The following LDB3 variants were observed in gnomAD, a reference collection of about 807,000 sequenced individuals.
LDB3 encodes the protein LIM domain-binding protein 3.
LDB3 carries 49 observed loss-of-function variants against 69.0 expected under a neutral mutation model. That is an observed-to-expected ratio of 0.71 (90% CI 0.56 to 0.90). LDB3 has a LOEUF of 0.90. Among genes scored for constraint, LDB3 ranks in the 40% least tolerant of loss-of-function variants. The pLI is 0.00. For missense variants in LDB3, 928 were observed against 974.1 expected (o/e 0.95, Z 0.63); for synonymous variants, 387 against 396.2 (o/e 0.98, Z 0.28).
intron 2 of LDB3, among the ~76,000 whole-genome samples, chr10:86,674,745 C>T (rs947963492): frequency 1.6e-4 from 25 of 152,162 alleles, no homozygotes; most frequent in African/African-American, 5.8e-4. Context: ...GCTTTGGGCC[C>T]TTTCTGAAAC....
At chr10:86,718,226 C>T in intron 11 of LDB3, 82 bp downstream of exon 11, 1 of 1,342,778 alleles carries the variant, frequency 7.4e-7, no homozygotes, top group Middle Eastern at 1.8e-4. Flanking sequence ...ATTAGGAAGC[C>T]AAGAAGTTGC....
intron 12 of LDB3, among the ~76,000 whole-genome samples, chr10:86,722,283 C>G (rs150825873): frequency 6.6e-6 from 1 of 152,160 alleles, no homozygotes; most frequent in East Asian, 1.9e-4. Flanking sequence ...GTTTTTGAGA[C>G]GGAGTCTCGC....
intron 11 of LDB3, 85 bp from the exon 12 acceptor site, chr10:86,718,642 G>C (rs529324006): frequency 1.3e-6 from 2 of 1,575,992 alleles, no homozygotes; most frequent in East Asian, 2.2e-5. Flanking sequence ...CTGGTAGGAT[G>C]CTCGGGCAGT....
intron 12 of LDB3, among the ~76,000 whole-genome samples, chr10:86,720,568 C>A (rs943893297): frequency 6.6e-6 from 1 of 152,128 alleles, no homozygotes; most frequent in East Asian, 1.9e-4. Context: ...GTTTCTATAT[C>A]TGTAAAAGGG....
intron 2 of LDB3, among the ~76,000 whole-genome samples, chr10:86,673,988 G>A (rs2675700): frequency 6.6e-6 from 1 of 151,772 alleles, no homozygotes; most frequent in Non-Finnish European, 1.5e-5. Flanking sequence ...TTGGACAGAA[G>A]TTTCCTCCCC....
At chr10:86,714,874 G>C (rs535947778) in intron 9 of LDB3, among the ~76,000 whole-genome samples, 1 of 152,190 alleles carries the variant, frequency 6.6e-6, no homozygotes, top group African/African-American at 2.4e-5. Flanking sequence ...TCTTTTGAAG[G>C]CCTCACTGGC....
chr10:86,712,109 TGCTCGCCCCCC>T (rs1269094214), intron 9 of LDB3, among the ~76,000 whole-genome samples: 4 of 151,948 alleles, frequency 2.6e-5, no homozygotes, highest in Admixed American at 6.5e-5. Flanking sequence ...CGCCACTGCC[TGCTCGCCCCCC>T]GACGGAGTCG....
rs371599920 is a variant in LDB3 at position 86,733,735 on chromosome 10, G to A, written c.*759G>A. The A allele has an allele frequency of 1.3e-5, 2 of 152,238 alleles. No individual in the cohort carries two copies. Among genetic ancestry groups the A allele is most frequent in the Admixed American group, 6.5e-5 (1 of 15,274 alleles). 9.4% of individuals were successfully genotyped at this position (152,238 alleles called of 1,614,324 possible). On this transcript the variant is annotated 3_prime_UTR_variant, in exon 14 of 14. Transcript: ENST00000361373. The stretch of plus-strand genomic sequence containing the variant: ...AGAAGGCTTAGCTCCTTTTTGAATT[G>A]TGATGGGAAAGTAGAGTTGGGTTTT...
intron 5 of LDB3, among the ~76,000 whole-genome samples, chr10:86,682,472 C>CACAGCAGGTA: frequency 6.6e-6 from 1 of 152,210 alleles, no homozygotes; most frequent in South Asian, 2.1e-4. Flanking sequence ...ACTCTGGGAG[C>CACAGCAGGTA]ACAGCAGGTA....
At position 86,668,746 on chromosome 10, in the gene LDB3, G is replaced by A. The variant is rs777413488; in HGVS notation, c.55G>A (p.Gly19Arg). 1.2e-6 allele frequency: 2 copies of A among 1,613,288 alleles called. No individual in the cohort carries two copies. Among genetic ancestry groups the A allele is most frequent in the Non-Finnish European group, 1.7e-6 (2 of 1,179,990 alleles). The change falls in exon 2 of 14, where the codon GGG becomes AGG. Residue 19 changes from glycine to arginine, a missense_variant. Coordinates refer to ENST00000361373, the MANE Select transcript of LDB3 (RefSeq NM_007078.3). ...CGGGCCCTGGGGCTTCCGTCTGCAG[G>A]GGGGCAAGGACTTCAACATGCCCCT... Reference protein sequence around the residue: ...GPGPWGFRLQGGKDFNMPLTI... With the variant: ...GPGPWGFRLQRGKDFNMPLTI...
At chr10:86,726,321 C>A in intron 13 of LDB3, 69 bp downstream of exon 13, 1 of 1,207,564 alleles carries the variant, frequency 8.3e-7, no homozygotes, top group Non-Finnish European at 1.2e-6. Context: ...AGCCAGATGA[C>A]CAACCTCTAC....
chr10:86,725,823 A>T (rs1292113100), intron 12 of LDB3, among the ~76,000 whole-genome samples: 4 of 152,162 alleles, frequency 2.6e-5, no homozygotes, highest in African/African-American at 9.7e-5. Context: ...TTGGGGCTTG[A>T]TCCGTTTGGT....
intron 12 of LDB3, among the ~76,000 whole-genome samples, chr10:86,724,269 G>A (rs1187461257): frequency 1.3e-5 from 2 of 150,460 alleles, no homozygotes; most frequent in Non-Finnish European, 2.9e-5. Context: ...CTGAGATTGT[G>A]CCACTGCACT....
chr10:86,710,928 G>A (rs1846628074), intron 9 of LDB3, among the ~76,000 whole-genome samples: 2 of 152,256 alleles, frequency 1.3e-5, no homozygotes, highest in Admixed American at 6.5e-5. Flanking sequence ...GTGTTCTGGG[G>A]ATGGAATGAA....
At chr10:86,713,096 T>C (rs1054330562) in intron 9 of LDB3, among the ~76,000 whole-genome samples, 4 of 151,730 alleles carry the variant, frequency 2.6e-5, no homozygotes, top group Admixed American at 2.0e-4. Context: ...TTTCAACATA[T>C]AATCAATATA....
At chr10:86,678,170 C>G (rs1325548302) in intron 2 of LDB3, among the ~76,000 whole-genome samples, 1 of 151,870 alleles carries the variant, frequency 6.6e-6, no homozygotes, top group Non-Finnish European at 1.5e-5. Context: ...GCTTCAGCCT[C>G]CCGAGTAGCT....
intron 2 of LDB3, among the ~76,000 whole-genome samples, chr10:86,675,669 T>C (rs1167077597): frequency 6.6e-6 from 1 of 152,256 alleles, no homozygotes; most frequent in African/African-American, 2.4e-5. Context: ...AGTATGCTGG[T>C]ACCTGCAACT....
chr10:86,727,235 T>C (rs1176785224), intron 13 of LDB3, among the ~76,000 whole-genome samples: 2 of 152,080 alleles, frequency 1.3e-5, no homozygotes, highest in African/African-American at 4.8e-5. Context: ...TTGGCCAGAC[T>C]GGTCTCAAAC....
At chr10:86,708,316 G>A (rs114850405) in intron 8 of LDB3, among the ~76,000 whole-genome samples, 1 of 152,336 alleles carries the variant, frequency 6.6e-6, no homozygotes, top group African/African-American at 2.4e-5. Flanking sequence ...AGCTACCTCC[G>A]CTCCTCACAC....
Sources: allele counts gnomAD v4.1 joint callset (sites outside exome capture counted in the v4.1 genomes callset), GRCh38; gene constraint gnomAD v4.1.1; transcripts MANE v1.5; gene names NCBI Gene and HGNC (gene_info 2026-07-23, HGNC 2026-07-21).